Variants in RBKS observed in about 807,000 individuals in gnomAD.
RBKS encodes ribokinase.
Under a neutral mutation model 33.9 loss-of-function variants are expected in RBKS, and 33 were observed. That is an observed-to-expected ratio of 0.97 (90% confidence interval 0.74 to 1.30). RBKS has a LOEUF of 1.30. Ranked by LOEUF, RBKS falls within the 50% of genes most tolerant of loss-of-function variation. The probability of loss-of-function intolerance (pLI) is 0.00; values close to 1 mark genes in which losing one functional copy is unlikely to be tolerated. For synonymous variants in RBKS, 125 were observed against 143.0 expected (o/e 0.87, Z 0.90); for missense variants, 361 against 392.6 (o/e 0.92, Z 0.68).
At chr2:27,820,806 G>A (rs376921771) in intron 7 of RBKS, among the ~76,000 whole-genome samples, 15 of 152,230 alleles carry the variant, frequency 9.9e-5, no homozygotes, top group African/African-American at 3.6e-4. Flanking sequence ...CACTTTGGGA[G>A]GCCAAGGCGG....
intron 1 of RBKS, chr2:27,870,218 A>C (rs749251594): frequency 1.3e-5 from 2 of 152,698 alleles, no homozygotes; most frequent in Non-Finnish European, 2.9e-5. Flanking sequence ...CATGTCAGAA[A>C]TCCCCATGTT....
intron 7 of RBKS, among the ~76,000 whole-genome samples, chr2:27,791,892 G>A (rs918093135): frequency 8.6e-5 from 13 of 152,004 alleles, no homozygotes; most frequent in African/African-American, 3.1e-4. Flanking sequence ...GATTATAGTG[G>A]TGATTAAATG....
intron 5 of RBKS, among the ~76,000 whole-genome samples, chr2:27,833,984 C>G (rs1678470753): frequency 6.6e-6 from 1 of 152,220 alleles, no homozygotes; most frequent in African/African-American, 2.4e-5. Context: ...GGTTGCCTAT[C>G]AGCATCACTA....
intron 7 of RBKS, among the ~76,000 whole-genome samples, chr2:27,793,241 T>C (rs1021779635): frequency 2.0e-5 from 3 of 152,216 alleles, no homozygotes; most frequent in African/African-American, 2.4e-5. Context: ...ATCATAGTGC[T>C]GTCTGATTCA....
Position 27,843,067 on chromosome 2 carries a change from C to T in RBKS, c.514G>A (p.Val172Met), listed in dbSNP as rs1347103524. The change falls in exon 5 of 8, where the codon GTG (valine) becomes ATG (methionine). Residue 172 changes from valine (V) to methionine (M), a missense_variant and splice_region_variant. Coordinates refer to ENST00000302188, the MANE Select transcript of RBKS (RefSeq NM_022128.3). ...EALTMARRSG[V>M]KTLFNPAPAI... ...AAGAATGACAAATATGTATAATTAC[C>T]TCCACTCCTGCGGGCCATTGTTAGG... is the stretch of plus-strand genomic sequence containing the variant. 7 of 1,574,258 alleles carry T rather than the reference C, an allele frequency of 4.4e-6. No homozygotes were observed. The highest frequency in any genetic ancestry group is 6.0e-6 in the Non-Finnish European group (7 of 1,160,376).
intron 7 of RBKS, among the ~76,000 whole-genome samples, chr2:27,802,430 TTG>T (rs35820162): frequency 0.15 from 22,486 of 148,630 alleles, 2,557 homozygotes; most frequent in African/African-American, 0.32. Flanking sequence ...GAACATATGT[TTG>T]TGTGTGTGTG....
chr2:27,873,481 T>A (rs556067811), intron 1 of RBKS, among the ~76,000 whole-genome samples: 3 of 152,248 alleles, frequency 2.0e-5, no homozygotes, highest in Non-Finnish European at 4.4e-5. Context: ...GAACTGCTTA[T>A]GATTTTCATT....
At chr2:27,824,228 A>C (rs1573049200) in intron 7 of RBKS, among the ~76,000 whole-genome samples, 1 of 152,240 alleles carries the variant, frequency 6.6e-6, no homozygotes, top group East Asian at 1.9e-4. Context: ...TCCTTTTAAA[A>C]AAGAATTATT....
intron 7 of RBKS, among the ~76,000 whole-genome samples, chr2:27,804,879 T>C (rs1677866289): frequency 6.6e-6 from 1 of 152,094 alleles, no homozygotes; most frequent in Non-Finnish European, 1.5e-5. Flanking sequence ...TGCAAAACTT[T>C]AGCCAGGTGT....
chr2:27,786,875 G>A (rs1322704226), intron 7 of RBKS, among the ~76,000 whole-genome samples: 1 of 152,112 alleles, frequency 6.6e-6, no homozygotes, highest in Non-Finnish European at 1.5e-5. Flanking sequence ...CTACAGCCAA[G>A]GCCAGGGAAA....
At chr2:27,801,157 G>T (rs12473400) in intron 7 of RBKS, among the ~76,000 whole-genome samples, 43,632 of 152,070 alleles carry the variant, frequency 0.29, 7,085 homozygotes, top group East Asian at 0.62. Context: ...GGGCAGGCAG[G>T]CTGAACAGAT....
At chr2:27,802,748 T>C (rs1438422372) in intron 7 of RBKS, among the ~76,000 whole-genome samples, 3 of 152,132 alleles carry the variant, frequency 2.0e-5, no homozygotes, top group Non-Finnish European at 2.9e-5. Context: ...TTTACCTCCA[T>C]TTACAGTCTC....
chr2:27,846,695 GA>G (rs1663627184), intron 4 of RBKS, among the ~76,000 whole-genome samples: 1 of 152,180 alleles, frequency 6.6e-6, no homozygotes, highest in Non-Finnish European at 1.5e-5. Flanking sequence ...TAGTGTAACT[GA>G]AATGACAGAT....
intron 6 of RBKS, among the ~76,000 whole-genome samples, chr2:27,828,350 G>A (rs543967190): frequency 6.6e-6 from 1 of 152,156 alleles, no homozygotes; most frequent in African/African-American, 2.4e-5. Context: ...AGAAAGGAAA[G>A]GGCCACTGCC....
intron 7 of RBKS, among the ~76,000 whole-genome samples, chr2:27,785,853 G>T (rs1394629227): frequency 1.3e-5 from 2 of 152,014 alleles, no homozygotes; most frequent in African/African-American, 4.8e-5. Context: ...AGAAGGAAAA[G>T]CTCCTGTAAT....
At chr2:27,794,559 G>A (rs1677606161) in intron 7 of RBKS, among the ~76,000 whole-genome samples, 1 of 151,352 alleles carries the variant, frequency 6.6e-6, no homozygotes, top group Non-Finnish European at 1.5e-5. Flanking sequence ...TTGTAACCAT[G>A]AACTAGACAA....
rs780050656 is a variant in RBKS at position 27,848,048 on chromosome 2, T to C, written c.272A>G (p.Asn91Ser). The stretch of plus-strand genomic sequence containing the variant: ...GGGAATTTTACCTGTAGAAATATCA[T>C]TCTGTTTTAAGTTTTCTATATAATC... ...GNDYIENLKQ[N>S]DISTEFTYQT... Residue 91 changes from asparagine (N) to serine (S), a missense_variant, in exon 3 of 8, where the codon AAT (asparagine) becomes AGT (serine). Asn to Ser is a conservative substitution (Grantham distance 46). Coordinates refer to ENST00000302188, the MANE Select transcript of RBKS (RefSeq NM_022128.3). The C allele has an allele frequency of 2.0e-6, 3 of 1,491,298 alleles. No individual in the cohort carries two copies. Among genetic ancestry groups the C allele is most frequent in the Non-Finnish European group, 2.8e-6 (3 of 1,079,680 alleles). The allele number at this position is 1,491,298 out of a possible 1,614,324, so 92.4% of individuals were successfully genotyped here.
At chr2:27,813,125 G>A (rs1678024080) in intron 7 of RBKS, among the ~76,000 whole-genome samples, 1 of 151,906 alleles carries the variant, frequency 6.6e-6, no homozygotes, top group African/African-American at 2.4e-5. Context: ...CTCAGCTAGG[G>A]ATACTCCTGG....
At chr2:27,792,673 G>A (rs1205850438) in intron 7 of RBKS, among the ~76,000 whole-genome samples, 1 of 151,896 alleles carries the variant, frequency 6.6e-6, no homozygotes, top group African/African-American at 2.4e-5. Flanking sequence ...ACGCAGACTG[G>A]GCACGTTCAC....
Sources: allele counts gnomAD v4.1 joint callset (sites outside exome capture counted in the v4.1 genomes callset), GRCh38; gene constraint gnomAD v4.1.1; transcripts MANE v1.5; gene names NCBI Gene and HGNC (gene_info 2026-07-23, HGNC 2026-07-21).